RTF1: variants seen among roughly 807,000 people sequenced by gnomAD.
The protein encoded by RTF1 is RNA polymerase-associated protein RTF1 homolog.
Under a neutral mutation model 95.7 loss-of-function variants are expected in RTF1, and 10 were observed. The observed-to-expected ratio is 0.10, with a 90% CI of 0.06 to 0.18. RTF1 has a LOEUF of 0.18. RTF1 is among the 10% of genes least tolerant of loss of function. The pLI is 1.00. For missense variants in RTF1, 458 were observed against 875.6 expected, an observed-to-expected ratio of 0.52 and a Z score of 6.02; for synonymous variants, 305 against 311.8, an observed-to-expected ratio of 0.98 and a Z score of 0.23.
chr15:41,418,960 A>G (rs925498557), intron 1 of RTF1, among the ~76,000 whole-genome samples: 19 of 151,988 alleles, frequency 1.3e-4, no homozygotes, highest in Non-Finnish European at 2.6e-4. Context: ...GAGGACTTTT[A>G]AGAAGAAAAG....
rs1191353154 is a variant in RTF1 at position 41,482,532 on chromosome 15, A to G, written c.*1845A>G. 1 of 152,370 alleles carries G rather than the reference A, an allele frequency of 6.6e-6. No homozygotes were observed. Among genetic ancestry groups the G allele is most frequent in the Non-Finnish European group, 1.5e-5 (1 of 68,022 alleles). The allele number at this position is 152,370 out of a possible 1,614,324, so 9.4% of individuals were successfully genotyped here. A position where few individuals can be genotyped will look rare whatever the true frequency, so the allele number is the denominator to read the frequency against. On this transcript the variant is annotated 3_prime_UTR_variant, in exon 18 of 18. Coordinates refer to ENST00000389629, the MANE Select transcript of RTF1 (RefSeq NM_015138.5). ...CCTCAGTGTCGCTTTAACTTAGTTTACTTTTTTTTTATTTTTAAAGCAGCA... is the reference window on the plus strand; with the variant it reads ...CCTCAGTGTCGCTTTAACTTAGTTTGCTTTTTTTTTATTTTTAAAGCAGCA...
At chr15:41,440,856 TG>T (rs199789252) in intron 2 of RTF1, among the ~76,000 whole-genome samples, 1 of 152,068 alleles carries the variant, frequency 6.6e-6, no homozygotes, top group African/African-American at 2.4e-5. Context: ...AAAAAATCAG[TG>T]GGGGGTCTAT....
chr15:41,434,857 G>T (rs1438612944), intron 1 of RTF1, among the ~76,000 whole-genome samples: 1 of 151,924 alleles, frequency 6.6e-6, no homozygotes, highest in African/African-American at 2.4e-5. Context: ...TCGAACTCCT[G>T]ACCTCGTGAT....
chr15:41,453,543 TAGTG>T (rs1448275694), intron 3 of RTF1, among the ~76,000 whole-genome samples: 1 of 151,852 alleles, frequency 6.6e-6, no homozygotes, highest in African/African-American at 2.4e-5. Flanking sequence ...CTGGGTAACA[TAGTG>T]AGATCCCATC....
chr15:41,418,797 A>AG (rs2050585126), intron 1 of RTF1, among the ~76,000 whole-genome samples: 1 of 151,686 alleles, frequency 6.6e-6, no homozygotes, highest in South Asian at 2.1e-4. Context: ...AAAAAAAAAA[A>AG]AAAAGAAAAG....
intron 4 of RTF1, among the ~76,000 whole-genome samples, chr15:41,461,042 ATT>A (rs879628124): frequency 1.6e-4 from 20 of 124,864 alleles, no homozygotes; most frequent in Non-Finnish European, 1.0e-4. Flanking sequence ...TGTCAAGCTA[ATT>A]TTTTTTTTTT....
At chr15:41,471,442 C>T (rs1472998529) in intron 8 of RTF1, 93 bp downstream of exon 8, 2 of 1,286,394 alleles carry the variant, frequency 1.6e-6, no homozygotes, top group African/African-American at 3.0e-5. Flanking sequence ...GATCACTCTT[C>T]TCTCAGCATT....
At chr15:41,477,368 C>T in intron 13 of RTF1, 82 bp downstream of exon 13, 1 of 1,612,670 alleles carries the variant, frequency 6.2e-7, no homozygotes, top group Non-Finnish European at 8.5e-7. Flanking sequence ...CTCTGTGCTG[C>T]ACTGACCCCA....
At chr15:41,459,706 A>T (rs545425472) in intron 4 of RTF1, among the ~76,000 whole-genome samples, 1 of 152,226 alleles carries the variant, frequency 6.6e-6, no homozygotes, top group Non-Finnish European at 1.5e-5. Flanking sequence ...TGTACAAGTT[A>T]GGTATCTGAC....
chr15:41,440,490 CTTTTTTTTT>C (rs1271679997), intron 2 of RTF1, among the ~76,000 whole-genome samples: 1 of 117,952 alleles, frequency 8.5e-6, no homozygotes, highest in Non-Finnish European at 1.8e-5. Flanking sequence ...CGCCTGGCCT[CTTTTTTTTT>C]TTTTTTTTTG....
At chr15:41,475,320 C>G (rs2050937020) in intron 9 of RTF1, among the ~76,000 whole-genome samples, 1 of 152,178 alleles carries the variant, frequency 6.6e-6, no homozygotes, top group African/African-American at 2.4e-5. Flanking sequence ...AAGCACTGAC[C>G]AAGCCCATTT....
chr15:41,454,782 C>G (rs1029170203), intron 3 of RTF1, among the ~76,000 whole-genome samples: 1 of 152,114 alleles, frequency 6.6e-6, no homozygotes, highest in Non-Finnish European at 1.5e-5. Flanking sequence ...TCAACCAAAC[C>G]AAATGAAGTG....
intron 1 of RTF1, among the ~76,000 whole-genome samples, chr15:41,431,038 G>C (rs2050668419): frequency 6.6e-6 from 1 of 151,554 alleles, no homozygotes; most frequent in Non-Finnish European, 1.5e-5. Flanking sequence ...CAAGTAGCTG[G>C]GATTACAGGC....
rs138345663 is a variant in RTF1, at chr15:41,476,702, A to C, written c.1560+179A>C. On this transcript the variant is annotated intron_variant, in intron 12 of 17. Transcript: ENST00000389629. ...GTTCCTTGGCCATTTTCCATTCCCT[A>C]AATTCAAACTCATCTTCTGCGTGTG... 4.9e-4 allele frequency among the ~76,000 whole-genome samples: 75 copies of C among 152,350 alleles called. No homozygotes were observed. The East Asian group carries it at 0.014, about 29-fold the overall frequency.
At chr15:41,420,967 A>G (rs2050597461) in intron 1 of RTF1, among the ~76,000 whole-genome samples, 1 of 152,236 alleles carries the variant, frequency 6.6e-6, no homozygotes, top group Non-Finnish European at 1.5e-5. Flanking sequence ...TTAGTAACAC[A>G]CTATAAGTAT....
intron 5 of RTF1, among the ~76,000 whole-genome samples, chr15:41,465,290 G>C (rs984319955): frequency 7.9e-5 from 12 of 151,874 alleles, no homozygotes; most frequent in Non-Finnish European, 1.5e-4. Context: ...CAGTCCTCCT[G>C]AGTTGCTGAG....
In RTF1 at chr15:41,417,171, T is replaced by C; in HGVS notation, c.56T>C (p.Val19Ala). 7.9e-7 allele frequency: 1 copy of C among 1,262,384 alleles called. No homozygotes were observed. The highest frequency in any genetic ancestry group is 3.6e-5 in the South Asian group (1 of 27,500). The allele number at this position is 1,262,384 out of a possible 1,614,324, so 78.2% of individuals were successfully genotyped here. ...RAAAAAAAVA[V>A]PLAGGQEGSP... ...GCGGCGGCGGCGGCGGCAGTGGCGG[T>C]CCCACTGGCAGGCGGGCAAGAGGGG... is the stretch of plus-strand genomic sequence containing the variant. The change falls in exon 1 of 18, where the codon GTC becomes GCC. Residue 19 changes from valine (V) to alanine (A), a missense_variant. By Grantham distance (64) the Val-to-Ala change is moderately conservative. Around this residue, in one of 11 missense-constraint regions of RTF1, gnomAD observed 81 missense variants for 59.9 expected, o/e 1.35. Transcript: ENST00000389629.
chr15:41,456,671 C>T lies in RTF1; in HGVS notation c.458-1001C>T, dbSNP rs188379249. Among the ~76,000 whole-genome samples the T allele has an allele frequency of 2.5e-3, 383 of 150,922 alleles. 2 individuals are homozygous for T. Among genetic ancestry groups the T allele is most frequent in the South Asian group, 6.5e-3 (31 of 4,744 alleles). On this transcript the variant is annotated intron_variant, in intron 3 of 17. Transcript: ENST00000389629. ...AATTAGCTGAGTGTAGTGGTGAGCGCCTGAGCTACTCGGGAGTCTGAGGCA... is the reference window on the plus strand; with the variant it reads ...AATTAGCTGAGTGTAGTGGTGAGCGTCTGAGCTACTCGGGAGTCTGAGGCA...
At chr15:41,423,582 T>G (rs2050613793) in intron 1 of RTF1, among the ~76,000 whole-genome samples, 2 of 151,990 alleles carry the variant, frequency 1.3e-5, no homozygotes, top group African/African-American at 4.8e-5. Flanking sequence ...TTGGTCAGTC[T>G]GGTCTCAAAC....
Sources: allele counts gnomAD v4.1 joint callset (sites outside exome capture counted in the v4.1 genomes callset), GRCh38; gene constraint gnomAD v4.1.1; regional missense constraint gnomAD v4.1.1; transcripts MANE v1.5; gene names NCBI Gene and HGNC (gene_info 2026-07-23, HGNC 2026-07-21).